The following ELAVL1 variants were observed in gnomAD, a reference collection of about 807,000 sequenced individuals.
The protein encoded by ELAVL1 is ELAV-like protein 1.
In ELAVL1, 1 loss-of-function variant was observed where a neutral mutation model predicts 28.4. That is an observed-to-expected ratio of 0.04 (90% CI 0.01 to 0.17). The LOEUF (loss-of-function observed/expected upper bound fraction) is 0.17. ELAVL1 is among the 10% of genes least tolerant of loss of function. The pLI is 1.00. For missense variants in ELAVL1, 157 were observed against 447.2 expected, an observed-to-expected ratio of 0.35 and a Z score of 5.85; for synonymous variants, 174 against 183.5, an observed-to-expected ratio of 0.95 and a Z score of 0.42.
chr19:7,983,167 C>T (rs968550614), intron 2 of ELAVL1, among the ~76,000 whole-genome samples: 10 of 152,180 alleles, frequency 6.6e-5, no homozygotes, highest in African/African-American at 1.7e-4. Flanking sequence ...AAAATCAGAT[C>T]CTCTAGACTC....
chr19:7,970,738 T>A (rs560124437), intron 4 of ELAVL1, among the ~76,000 whole-genome samples: 1 of 151,616 alleles, frequency 6.6e-6, no homozygotes, highest in East Asian at 2.0e-4. Flanking sequence ...TCTCTTTTTT[T>A]AAAAAAAGAG....
At chr19:7,991,947 T>C in intron 1 of ELAVL1, 116 bp from the exon 2 acceptor site, 1 of 945,476 alleles carries the variant, frequency 1.1e-6, no homozygotes, top group Non-Finnish European at 1.5e-6. Flanking sequence ...TTTTTTTTTT[T>C]GTTTTGTTTT....
rs146000336 is a variant in ELAVL1 at position 7,991,550 on chromosome 19, C to T, written c.172+94G>A. The T allele has an allele frequency of 9.0e-4, 1,151 of 1,285,722 alleles. 3 individuals carry two copies. Among genetic ancestry groups the T allele is most frequent in the Middle Eastern group, 2.8e-3 (13 of 4,592 alleles). The allele number at this position is 1,285,722 out of a possible 1,614,324, so 79.6% of individuals were successfully genotyped here. A position where few individuals can be genotyped will look rare whatever the true frequency, so the allele number is the denominator to read the frequency against. On this transcript the variant is annotated intron_variant, in intron 2 of 5. Coordinates refer to ENST00000407627, the MANE Select transcript of ELAVL1 (RefSeq NM_001419.3). ...TCGTTTCAAGGCTGTAGTTATCCTG[C>T]ACTGAGGAATGCCACAGAGTCACAG...
rs1984770030 is a variant in ELAVL1, at chr19:7,960,326, C to T, written c.*3157G>A. The T allele has an allele frequency of 6.6e-6, 1 of 152,304 alleles. No homozygotes were observed. Among genetic ancestry groups the T allele is most frequent in the East Asian group, 1.9e-4 (1 of 5,168 alleles). The allele number at this position is 152,304 out of a possible 1,614,324, so 9.4% of individuals were successfully genotyped here. On this transcript the variant is annotated 3_prime_UTR_variant, in exon 6 of 6. Coordinates refer to ENST00000407627, the MANE Select transcript of ELAVL1 (RefSeq NM_001419.3). ...GCAGCTGCCCTTGGCCAGGAAAAGG[C>T]TCACCTTCCAGGAGAAGGTGGCGGA...
chr19:7,993,023 C>T (rs543748951), intron 1 of ELAVL1, among the ~76,000 whole-genome samples: 1 of 152,270 alleles, frequency 6.6e-6, no homozygotes, highest in Admixed American at 6.5e-5. Context: ...TCCATCTCAC[C>T]CTCCCAAAGT....
intron 3 of ELAVL1, among the ~76,000 whole-genome samples, chr19:7,976,037 G>A (rs2088102293): frequency 6.6e-6 from 1 of 151,628 alleles, no homozygotes; most frequent in African/African-American, 2.4e-5. Flanking sequence ...AGGCTGCAGT[G>A]AGCCGTGATC....
At chr19:7,986,433 TG>T (rs1245727149) in intron 2 of ELAVL1, among the ~76,000 whole-genome samples, 1 of 152,240 alleles carries the variant, frequency 6.6e-6, no homozygotes, top group Non-Finnish European at 1.5e-5. Flanking sequence ...GAAACAGTGA[TG>T]AACTTCACTC....
At chr19:7,983,465 G>A (rs939777395) in intron 2 of ELAVL1, among the ~76,000 whole-genome samples, 13 of 152,174 alleles carry the variant, frequency 8.5e-5, no homozygotes, top group African/African-American at 2.7e-4. Flanking sequence ...GGAGGGACTC[G>A]GGATGGCAAG....
At chr19:7,969,451 G>A (rs1329997683) in intron 4 of ELAVL1, among the ~76,000 whole-genome samples, 4 of 152,164 alleles carry the variant, frequency 2.6e-5, no homozygotes, top group Admixed American at 2.6e-4. Flanking sequence ...CCCCCCGTGA[G>A]CACAGAGACA....
intron 1 of ELAVL1, among the ~76,000 whole-genome samples, chr19:7,998,215 C>G (rs1042404171): frequency 1.4e-4 from 22 of 152,168 alleles, no homozygotes; most frequent in East Asian, 9.6e-4. Context: ...TGGGCCAAAT[C>G]AGCTTCTATC....
chr19:7,971,001 C>T (rs1985094659), intron 4 of ELAVL1, among the ~76,000 whole-genome samples: 1 of 152,216 alleles, frequency 6.6e-6, no homozygotes, highest in Non-Finnish European at 1.5e-5. Flanking sequence ...AATTCTGCAT[C>T]CTGGGGTGGG....
chr19:7,983,682 A>C (rs908022887), intron 2 of ELAVL1, among the ~76,000 whole-genome samples: 3 of 152,138 alleles, frequency 2.0e-5, no homozygotes, highest in Admixed American at 2.0e-4. Flanking sequence ...AGGCAGCCTA[A>C]GTGCTGCTTG....
chr19:7,991,878 G>A, intron 1 of ELAVL1, 47 bp from the exon 2 acceptor site: 1 of 1,434,234 alleles, frequency 7.0e-7, no homozygotes, highest in Admixed American at 2.3e-5. Flanking sequence ...TCATATTGCA[G>A]TATATGAAGG....
intron 4 of ELAVL1, among the ~76,000 whole-genome samples, chr19:7,971,822 G>C (rs1985120395): frequency 1.3e-5 from 2 of 152,214 alleles, no homozygotes. Flanking sequence ...TGCCAGGTGG[G>C]GTTCCTACAG....
intron 1 of ELAVL1, among the ~76,000 whole-genome samples, chr19:7,998,500 G>A (rs923973045): frequency 6.6e-6 from 1 of 152,064 alleles, no homozygotes; most frequent in Non-Finnish European, 1.5e-5. Context: ...CTTCACAATC[G>A]GACCCAGGTG....
chr19:7,958,954 TC>T lies in ELAVL1; in HGVS notation c.*4528del, dbSNP rs1984730870. 2 of 153,710 alleles carry T rather than the reference TC, an allele frequency of 1.3e-5. No individual in the cohort carries two copies. The highest frequency in any genetic ancestry group is 1.3e-4 in the Admixed American group (2 of 15,282). The allele number at this position is 153,710 out of a possible 1,614,324, so 9.5% of individuals were successfully genotyped here. On this transcript the variant is annotated 3_prime_UTR_variant, in exon 6 of 6. Transcript: ENST00000407627. The stretch of plus-strand genomic sequence containing the variant: ...ACTTCACTAAAATTTTGAAAAATGG[TC>T]TTCTTTCAAAGCTTCTTTATTAATC...
At chr19:7,965,504 G>A (rs980058944) in intron 5 of ELAVL1, among the ~76,000 whole-genome samples, 2 of 152,014 alleles carry the variant, frequency 1.3e-5, no homozygotes, top group Admixed American at 6.6e-5. Flanking sequence ...TTTTCTGGAC[G>A]TGATAGGGAC....
intron 1 of ELAVL1, among the ~76,000 whole-genome samples, chr19:7,995,888 T>C (rs1001043778): frequency 6.6e-6 from 1 of 151,764 alleles, no homozygotes. Flanking sequence ...GGAGTAAACA[T>C]TTGCAAAAGG....
chr19:7,967,509 T>C, intron 5 of ELAVL1, 56 bp downstream of exon 5: 1 of 1,575,282 alleles, frequency 6.3e-7, no homozygotes, highest in South Asian at 1.1e-5. Flanking sequence ...GGCTGTGCCG[T>C]CGCCTGCCAG....
Sources: gnomAD v4.1 joint callset for allele counts (sites outside exome capture counted in the v4.1 genomes callset) on GRCh38, gnomAD v4.1.1 for gene constraint, MANE v1.5 for transcripts, NCBI Gene and HGNC (gene_info 2026-07-23, HGNC 2026-07-21) for gene names.